The following EXOC6 variants were observed in gnomAD, a reference collection of about 807,000 sequenced individuals.
The protein encoded by EXOC6 is exocyst complex component 6.
EXOC6 carries 60 observed loss-of-function variants against 112.5 expected under a neutral mutation model. The ratio of observed to expected loss-of-function variants is 0.53; its 90% CI spans 0.43 to 0.66. The LOEUF (loss-of-function observed/expected upper bound fraction) is 0.66. Among genes scored for constraint, EXOC6 ranks in the 30% least tolerant of loss-of-function variants. EXOC6 has a pLI of 0.00. For synonymous variants in EXOC6, 295 were observed against 308.0 expected (o/e 0.96, Z 0.44); for missense variants, 855 against 957.1 (o/e 0.89, Z 1.41).
In EXOC6 at chr10:92,863,370, C is replaced by T. The variant is rs1847999473; in HGVS notation, c.101+14736C>T. Among the ~76,000 whole-genome samples the T allele has an allele frequency of 2.0e-5, 3 of 152,204 alleles. No homozygotes were observed. The South Asian group carries it at 6.2e-4, about 31-fold the overall frequency. ...CCATGCAATTTTTACTAGAGTAGCA[C>T]ATCCAACAAACCTAATAGTTTCTTG... On this transcript the variant is annotated intron_variant, in intron 1 of 21. Transcript: ENST00000260762.
chr10:92,906,323 A>C (rs771539311), intron 5 of EXOC6, among the ~76,000 whole-genome samples: 22 of 151,994 alleles, frequency 1.4e-4, no homozygotes, highest in Admixed American at 2.6e-4. Context: ...GTATCTTGTA[A>C]ATTTTTTTGT....
intron 18 of EXOC6, among the ~76,000 whole-genome samples, chr10:92,975,680 A>G (rs377181899): frequency 1.1e-5 from 1 of 90,162 alleles, no homozygotes; most frequent in Non-Finnish European, 2.3e-5. Context: ...TCTGCCCGGC[A>G]GCCCCTACTG....
Position 92,974,059 on chromosome 10 carries a change from C to T in EXOC6, c.1780C>T (p.Arg594Ter), listed in dbSNP as rs202061767. ...LYGLSTFKDA[R>*]HAAEGEIYTK... ...TTATTTTGTCCCATGTCAGGATGCT[C>T]GACATGCAGCAGAAGGAGAAATATA... The change falls in exon 18 of 22, where the codon CGA becomes TGA. Residue 594 changes from arginine to a stop codon, truncating the protein, a stop_gained. Transcript: ENST00000260762. LOFTEE classifies it high-confidence loss of function. 7 of 1,585,494 alleles carry T rather than the reference C, an allele frequency of 4.4e-6. No individual in the cohort carries two copies. The highest frequency in any genetic ancestry group is 1.7e-4 in the Middle Eastern group (1 of 5,994).
At chr10:93,014,337 A>G (rs778955124) in intron 20 of EXOC6, 70 bp downstream of exon 20, 14 of 1,099,760 alleles carry the variant, frequency 1.3e-5, no homozygotes, top group Middle Eastern at 2.0e-4. Context: ...TTTTTTTTTT[A>G]TTAATGCTAC....
intron 2 of EXOC6, 48 bp downstream of exon 2, chr10:92,893,568 CAA>C: frequency 2.7e-6 from 4 of 1,478,132 alleles, no homozygotes; most frequent in East Asian, 2.3e-5. Flanking sequence ...TTAAATTACT[CAA>C]GTCTTAGTTG....
chr10:93,047,323 G>A lies in EXOC6; in HGVS notation c.2170-9601G>A, dbSNP rs1286535203. ...AGGCCAAGGCAGGTGGATCACTTGA[G>A]CCCCGGAGTTCGAGACCAGCCTGGC... On this transcript the variant is annotated intron_variant, in intron 20 of 21. Transcript: ENST00000260762. Among the ~76,000 whole-genome samples, 5 of 150,252 alleles carry A rather than the reference G, an allele frequency of 3.3e-5. No homozygotes were observed. In the East Asian group the frequency reaches 1.0e-3, roughly 31 times the overall value.
chr10:92,974,061 A>G lies in EXOC6; in HGVS notation c.1782A>G (p.Arg594=). 1 of 1,589,452 alleles carries G rather than the reference A, an allele frequency of 6.3e-7. No individual in the cohort carries two copies. Among genetic ancestry groups the G allele is most frequent in the South Asian group, 1.2e-5 (1 of 84,900 alleles). The change falls in exon 18 of 22, where the codon CGA becomes CGG. Residue 594 remains arginine (R), a synonymous_variant. Coordinates refer to ENST00000260762, the MANE Select transcript of EXOC6 (RefSeq NM_019053.6). The part of the protein sequence containing the change: ...LYGLSTFKDA[R]HAAEGEIYTK... Reference sequence around the variant, plus strand: ...ATTTTGTCCCATGTCAGGATGCTCGACATGCAGCAGAAGGAGAAATATATA... The same window carrying G: ...ATTTTGTCCCATGTCAGGATGCTCGGCATGCAGCAGAAGGAGAAATATATA...
chr10:92,857,911 T>G (rs956062042), intron 1 of EXOC6, among the ~76,000 whole-genome samples: 3 of 150,944 alleles, frequency 2.0e-5, no homozygotes, highest in African/African-American at 4.9e-5. Flanking sequence ...CTATTTCCTG[T>G]TTTTTTTGTT....
At chr10:93,023,275 G>A (rs1355634857) in intron 20 of EXOC6, among the ~76,000 whole-genome samples, 12 of 152,292 alleles carry the variant, frequency 7.9e-5, no homozygotes, top group Admixed American at 5.9e-4. Flanking sequence ...ACAAGTATGA[G>A]CTGATACAAG....
At chr10:92,992,765 T>C (rs886672380) in intron 18 of EXOC6, among the ~76,000 whole-genome samples, 1 of 152,000 alleles carries the variant, frequency 6.6e-6, no homozygotes, top group Admixed American at 6.5e-5. Flanking sequence ...GTATGTGTAT[T>C]TTAAAATTTA....
In EXOC6 at chr10:92,899,886, C is replaced by T. The variant is rs563259394; in HGVS notation, c.458+242C>T. ...GTAATGTTGATCAAGTACAAATAGCCGAACAGGAATGAAAATATTGATTAG... is the reference window on the plus strand; with the variant it reads ...GTAATGTTGATCAAGTACAAATAGCTGAACAGGAATGAAAATATTGATTAG... On this transcript the variant is annotated intron_variant, in intron 5 of 21. Transcript: ENST00000260762. The T allele has an allele frequency of 5.0e-5, 19 of 382,604 alleles. No homozygotes were observed. The East Asian group carries it at 7.6e-4, about 15-fold the overall frequency. 23.7% of individuals were successfully genotyped at this position (382,604 alleles called of 1,614,324 possible). A position where few individuals can be genotyped will look rare whatever the true frequency, so the allele number is the denominator to read the frequency against.
At chr10:93,040,184 G>T (rs958321419) in intron 20 of EXOC6, among the ~76,000 whole-genome samples, 1 of 152,128 alleles carries the variant, frequency 6.6e-6, no homozygotes, top group South Asian at 2.1e-4. Flanking sequence ...CTATGCCCTT[G>T]ACCCTATCTT....
At chr10:92,919,424 A>T (rs183707335) in intron 7 of EXOC6, among the ~76,000 whole-genome samples, 1 of 152,262 alleles carries the variant, frequency 6.6e-6, no homozygotes, top group East Asian at 1.9e-4. Flanking sequence ...CATTTCATCA[A>T]TTGTAAGGCA....
intron 16 of EXOC6, among the ~76,000 whole-genome samples, 161 bp downstream of exon 16, chr10:92,954,902 T>C (rs967093789): frequency 6.6e-6 from 1 of 152,128 alleles, no homozygotes; most frequent in Non-Finnish European, 1.5e-5. Flanking sequence ...ATTCCAGAAA[T>C]GTGAGGATCC....
intron 13 of EXOC6, among the ~76,000 whole-genome samples, chr10:92,943,266 C>A (rs1304304060): frequency 6.6e-6 from 1 of 152,156 alleles, no homozygotes; most frequent in African/African-American, 2.4e-5. Flanking sequence ...GATGTACCCG[C>A]CTTGGCCTCC....
intron 12 of EXOC6, among the ~76,000 whole-genome samples, chr10:92,939,584 A>G (rs999252494): frequency 1.3e-5 from 2 of 152,058 alleles, no homozygotes; most frequent in Non-Finnish European, 2.9e-5. Flanking sequence ...ATGACTGGAG[A>G]TGAAACACGT....
At chr10:92,858,444 CTGTT>C (rs1847732141) in intron 1 of EXOC6, among the ~76,000 whole-genome samples, 1 of 151,864 alleles carries the variant, frequency 6.6e-6, no homozygotes, top group Non-Finnish European at 1.5e-5. Flanking sequence ...TTCTCTCTTA[CTGTT>C]TTTTCTCTCT....
chr10:92,838,928 C>G (rs913798266), intron 1 of EXOC6, among the ~76,000 whole-genome samples: 2 of 152,110 alleles, frequency 1.3e-5, no homozygotes, highest in Non-Finnish European at 2.9e-5. Context: ...CAAAAATTAG[C>G]CAGTCGTAGT....
At chr10:93,001,590 G>A (rs1843758086) in intron 19 of EXOC6, among the ~76,000 whole-genome samples, 2 of 152,084 alleles carry the variant, frequency 1.3e-5, no homozygotes, top group Admixed American at 6.6e-5. Context: ...CCCCTTTATC[G>A]GAATTAGAGA....
Sources: gnomAD v4.1 joint callset for allele counts (sites outside exome capture counted in the v4.1 genomes callset) on GRCh38, gnomAD v4.1.1 for gene constraint, MANE v1.5 for transcripts, NCBI Gene and HGNC (gene_info 2026-07-23, HGNC 2026-07-21) for gene names.